MAPRE2: variants seen among roughly 807,000 people sequenced by gnomAD.
MAPRE2 encodes the protein microtubule-associated protein RP/EB family member 2.
MAPRE2 carries 13 observed loss-of-function variants against 43.2 expected under a neutral mutation model. That is an observed-to-expected ratio of 0.30 (90% confidence interval 0.20 to 0.48). The LOEUF is 0.48. Among genes scored for constraint, MAPRE2 ranks in the 20% least tolerant of loss-of-function variants. MAPRE2 has a pLI of 0.99. For synonymous variants in MAPRE2, 135 were observed against 148.8 expected (o/e 0.91, Z 0.68); for missense variants, 161 against 400.2 (o/e 0.40, Z 5.10).
chr18:35,062,097 G>T (rs563526713), intron 1 of MAPRE2, among the ~76,000 whole-genome samples: 152 of 152,304 alleles, frequency 1.0e-3, no homozygotes, highest in South Asian at 8.5e-3. Context: ...TGGTGAGGAC[G>T]CTGGGAAGGA....
intron 2 of MAPRE2, among the ~76,000 whole-genome samples, chr18:35,014,859 C>T (rs746664802): frequency 6.6e-6 from 1 of 152,118 alleles, no homozygotes; most frequent in Non-Finnish European, 1.5e-5. Context: ...CTTAGTGCAC[C>T]TTTACCACGT....
intron 5 of MAPRE2, among the ~76,000 whole-genome samples, chr18:35,128,868 C>T (rs1316413513): frequency 1.3e-5 from 2 of 152,176 alleles, no homozygotes; most frequent in Non-Finnish European, 2.9e-5. Flanking sequence ...AGGTTCTCTC[C>T]CGCTTATAGC....
chr18:35,001,756 C>T (rs2097029483), intron 1 of MAPRE2, among the ~76,000 whole-genome samples: 1 of 152,006 alleles, frequency 6.6e-6, no homozygotes, highest in Non-Finnish European at 1.5e-5. Flanking sequence ...GAGCAAACTC[C>T]TGGTCCATCT....
At chr18:35,015,179 T>C (rs1004139770) in intron 2 of MAPRE2, among the ~76,000 whole-genome samples, 1 of 152,060 alleles carries the variant, frequency 6.6e-6, no homozygotes, top group African/African-American at 2.4e-5. Flanking sequence ...AGTCCTGCCA[T>C]CAACAAGTTG....
At chr18:34,990,935 T>C (rs2097023428) in intron 1 of MAPRE2, among the ~76,000 whole-genome samples, 1 of 152,198 alleles carries the variant, frequency 6.6e-6, no homozygotes, top group South Asian at 2.1e-4. Flanking sequence ...CCTTGGTCTT[T>C]TCATTGTGGA....
intron 1 of MAPRE2, among the ~76,000 whole-genome samples, chr18:35,047,078 C>T (rs186612742): frequency 1.3e-5 from 2 of 152,302 alleles, no homozygotes; most frequent in African/African-American, 2.4e-5. Context: ...GGGGCCAATT[C>T]CTCTGACAGT....
rs1244622124 is a variant in MAPRE2 at position 35,041,670 on chromosome 18, GCTGGCA to G, written c.122+11_122+16del. 6.2e-7 allele frequency: 1 copy of G among 1,614,178 alleles called. No homozygotes were observed. On this transcript the variant is annotated intron_variant, in intron 1 of 6. Transcript: ENST00000300249. ...GGGGAGCGTTCCTACAGGTAATGGG[GCTGGCA>G]CGAGAGCAGCGCCGGGGACCGCCGT...
chr18:35,118,997 C>CAT (rs1569010798), intron 4 of MAPRE2, among the ~76,000 whole-genome samples: 1 of 152,188 alleles, frequency 6.6e-6, no homozygotes, highest in African/African-American at 2.4e-5. Flanking sequence ...CTGCAACTGG[C>CAT]ATGTTCCCTG....
intron 1 of MAPRE2, among the ~76,000 whole-genome samples, chr18:35,063,854 T>A (rs1906682911): frequency 6.6e-6 from 1 of 151,704 alleles, no homozygotes; most frequent in African/African-American, 2.4e-5. Context: ...AAAAGTAAGC[T>A]GGGAGTGGTG....
chr18:35,137,020 G>C (rs1416764758), intron 6 of MAPRE2, among the ~76,000 whole-genome samples: 1 of 152,166 alleles, frequency 6.6e-6, no homozygotes, highest in East Asian at 1.9e-4. Context: ...TCTCGTATAA[G>C]GCATAGAAAA....
At chr18:35,083,775 C>T (rs368141247) in intron 2 of MAPRE2, among the ~76,000 whole-genome samples, 1 of 152,132 alleles carries the variant, frequency 6.6e-6, no homozygotes, top group Non-Finnish European at 1.5e-5. Flanking sequence ...GAAAAGAAAT[C>T]TGAAACCAAT....
intron 2 of MAPRE2, among the ~76,000 whole-genome samples, chr18:35,030,341 G>A (rs1004404901): frequency 6.6e-6 from 1 of 152,114 alleles, no homozygotes; most frequent in African/African-American, 2.4e-5. Flanking sequence ...GCAACCATCA[G>A]CTATCTCATC....
chr18:35,113,702 G>A (rs1160466591), intron 4 of MAPRE2, among the ~76,000 whole-genome samples: 2 of 152,118 alleles, frequency 1.3e-5, no homozygotes, highest in Non-Finnish European at 2.9e-5. Flanking sequence ...AGAACAGCCT[G>A]GGCAACATGG....
At chr18:34,995,512 G>A (rs1171463630) in intron 1 of MAPRE2, among the ~76,000 whole-genome samples, 1 of 152,182 alleles carries the variant, frequency 6.6e-6, no homozygotes, top group African/African-American at 2.4e-5. Context: ...TAATGCATTT[G>A]CACAAACTAG....
At chr18:35,073,641 C>G (rs985053983) in intron 2 of MAPRE2, among the ~76,000 whole-genome samples, 1 of 152,092 alleles carries the variant, frequency 6.6e-6, no homozygotes, top group Admixed American at 6.5e-5. Flanking sequence ...AATTTTTTTC[C>G]TATTGCATTA....
rs115201532 is a variant in MAPRE2, at chr18:34,986,556, A to T, written c.-70+9477A>T. On this transcript the variant is annotated intron_variant, in intron 1 of 7. Coordinates refer to the MAPRE2 transcript ENST00000413393. ...GCTTGCCCTCTATTGTGATTTTTTT[A>T]AAAGTGTGGTCTCCTGGGCACAGAT... 7.2e-5 allele frequency among the ~76,000 whole-genome samples: 11 copies of T among 152,252 alleles called. No homozygotes were observed. In the South Asian group the frequency reaches 1.0e-3, roughly 14 times the overall value.
chr18:35,124,533 C>T lies in MAPRE2; in HGVS notation c.611-2415C>T, dbSNP rs553769703. On this transcript the variant is annotated intron_variant, in intron 4 of 6. Transcript: ENST00000300249. ...ACCAGAAATTCTTAGATAGCTGTTG[C>T]TCTGTGTGAGACTGAGCTAGAGAAC... Among the ~76,000 whole-genome samples, 152 of 152,266 alleles carry T rather than the reference C, an allele frequency of 1.0e-3. 1 individual carries two copies. The South Asian group carries it at 0.013, about 13-fold the overall frequency.
chr18:35,092,669 A>T (rs538740124), intron 2 of MAPRE2, among the ~76,000 whole-genome samples: 63 of 152,366 alleles, frequency 4.1e-4, no homozygotes, highest in African/African-American at 1.4e-3. Flanking sequence ...AGCAGAATGA[A>T]AAGACAACCT....
chr18:34,985,305 T>TA (rs1491109694), intron 1 of MAPRE2, among the ~76,000 whole-genome samples: 3 of 19,884 alleles, frequency 1.5e-4, no homozygotes, highest in Admixed American at 1.1e-3. Flanking sequence ...TTATATATTG[T>TA]ATATATTATA....
Sources: allele counts gnomAD v4.1 joint callset (sites outside exome capture counted in the v4.1 genomes callset), GRCh38; gene constraint gnomAD v4.1.1; transcripts MANE v1.5; gene names NCBI Gene and HGNC (gene_info 2026-07-23, HGNC 2026-07-21).